MAGI1: variants seen among roughly 807,000 people sequenced by gnomAD.
MAGI1 encodes membrane associated guanylate kinase, WW and PDZ domain containing 1.
In MAGI1, 58 loss-of-function variants were observed where a neutral mutation model predicts 139.9. That is an observed-to-expected ratio of 0.41 (90% CI 0.34 to 0.52). The LOEUF (loss-of-function observed/expected upper bound fraction) is 0.52, where lower values mean the gene tolerates loss of function less well. Ranked by LOEUF, MAGI1 falls within the 20% of genes least tolerant of loss-of-function variation. The pLI is 0.12. For synonymous variants in MAGI1, 812 were observed against 737.9 expected (o/e 1.10, Z -1.63); for missense variants, 1,874 against 1,901.6 (o/e 0.99, Z 0.27).
intron 1 of MAGI1, among the ~76,000 whole-genome samples, chr3:65,987,393 AT>A (rs1015881514): frequency 3.9e-4 from 59 of 152,324 alleles, no homozygotes; most frequent in African/African-American, 1.3e-3. Context: ...CATAACAGAC[AT>A]TTGTAAGTCA....
intron 1 of MAGI1, among the ~76,000 whole-genome samples, chr3:65,946,788 C>T (rs2063564303): frequency 6.6e-6 from 1 of 152,146 alleles, no homozygotes; most frequent in Non-Finnish European, 1.5e-5. Context: ...AAACAGATCA[C>T]TTAAGAATGT....
At chr3:65,847,920 G>A (rs535715785) in intron 1 of MAGI1, among the ~76,000 whole-genome samples, 38 of 152,212 alleles carry the variant, frequency 2.5e-4, no homozygotes, top group African/African-American at 8.9e-4. Context: ...CTGTAGTCCC[G>A]GCAACTTGAG....
chr3:65,864,391 G>A (rs1020485125), intron 1 of MAGI1, among the ~76,000 whole-genome samples: 2 of 152,154 alleles, frequency 1.3e-5, no homozygotes, highest in Non-Finnish European at 2.9e-5. Flanking sequence ...CCTACTAAGT[G>A]ATGGATGAAA....
At chr3:65,957,520 C>CAAAAAA (rs761240940) in intron 1 of MAGI1, among the ~76,000 whole-genome samples, 19 of 30,848 alleles carry the variant, frequency 6.2e-4, no homozygotes, top group Non-Finnish European at 9.8e-4. Flanking sequence ...GACTTCATCT[C>CAAAAAA]AAAAAAAAAA....
intron 1 of MAGI1, among the ~76,000 whole-genome samples, chr3:65,867,261 C>T (rs2059761498): frequency 6.6e-6 from 1 of 152,234 alleles, no homozygotes; most frequent in Non-Finnish European, 1.5e-5. Flanking sequence ...GCTGCTACTA[C>T]CTGAGGGCCA....
intron 1 of MAGI1, chr3:65,893,957 A>G (rs1046122788): frequency 6.6e-6 from 1 of 152,182 alleles, no homozygotes; most frequent in Non-Finnish European, 1.5e-5. Flanking sequence ...ATGTGGCCTC[A>G]CCATTTGGCT....
chr3:65,535,723 G>GA (rs1278672460), intron 2 of MAGI1, among the ~76,000 whole-genome samples: 2 of 152,000 alleles, frequency 1.3e-5, no homozygotes, highest in African/African-American at 4.8e-5. Flanking sequence ...TGATTCAAAG[G>GA]AAAAAATGTA....
At chr3:65,440,082 A>G in intron 8 of MAGI1, 70 bp from the exon 9 acceptor site, 1 of 1,557,106 alleles carries the variant, frequency 6.4e-7, no homozygotes, top group Non-Finnish European at 8.8e-7. Flanking sequence ...AATCAGACCA[A>G]GTCCCTGGAA....
chr3:65,768,883 A>G (rs557914991), intron 1 of MAGI1, among the ~76,000 whole-genome samples: 4 of 152,306 alleles, frequency 2.6e-5, no homozygotes, highest in Non-Finnish European at 5.9e-5. Flanking sequence ...AGAGAATAAT[A>G]TTTTCCCCTT....
At chr3:65,971,897 G>A (rs2065029070) in intron 1 of MAGI1, among the ~76,000 whole-genome samples, 1 of 152,202 alleles carries the variant, frequency 6.6e-6, no homozygotes, top group South Asian at 2.1e-4. Flanking sequence ...GAGCTCAATG[G>A]AGTTTCCTCT....
chr3:65,710,269 CTTTTTTT>C (rs1175790063), intron 1 of MAGI1, among the ~76,000 whole-genome samples: 12 of 66,906 alleles, frequency 1.8e-4, no homozygotes, highest in East Asian at 1.7e-3. Flanking sequence ...CCTTACATTT[CTTTTTTT>C]TTTTTTTTTT....
At chr3:65,696,911 CA>C (rs11291151) in intron 1 of MAGI1, among the ~76,000 whole-genome samples, 70,555 of 151,658 alleles carry the variant, frequency 0.47, 17,994 homozygotes, top group African/African-American at 0.69. Flanking sequence ...AAAAACCCTT[CA>C]AAAAAAGGTA....
At chr3:65,791,852 C>T (rs2039796534) in intron 1 of MAGI1, among the ~76,000 whole-genome samples, 1 of 151,994 alleles carries the variant, frequency 6.6e-6, no homozygotes, top group Non-Finnish European at 1.5e-5. Context: ...TTCAAAAGGA[C>T]AGTCTGAGCT....
chr3:65,904,157 T>A (rs2061345626), intron 1 of MAGI1, among the ~76,000 whole-genome samples: 1 of 152,226 alleles, frequency 6.6e-6, no homozygotes, highest in South Asian at 2.1e-4. Flanking sequence ...ACTTTCCAAC[T>A]AATTCCAGAC....
intron 1 of MAGI1, among the ~76,000 whole-genome samples, chr3:65,786,705 G>A (rs1024531042): frequency 8.7e-5 from 13 of 149,488 alleles, no homozygotes; most frequent in Admixed American, 3.4e-4. Flanking sequence ...TCTGCCTCCC[G>A]GGTTCACGCC....
At chr3:65,860,817 G>A (rs1308139262) in intron 1 of MAGI1, among the ~76,000 whole-genome samples, 2 of 152,056 alleles carry the variant, frequency 1.3e-5, no homozygotes, top group African/African-American at 2.4e-5. Flanking sequence ...GGTCCAACAC[G>A]ACAAATACAT....
At chr3:65,470,515 G>C (rs769396315) in intron 4 of MAGI1, 31 bp from the exon 5 acceptor site, 18 of 1,368,868 alleles carry the variant, frequency 1.3e-5, no homozygotes, top group Middle Eastern at 1.8e-4. Context: ...GTGAGAGAGA[G>C]AGAGAGAGAA....
chr3:65,508,925 A>T (rs1455679264), intron 2 of MAGI1, among the ~76,000 whole-genome samples: 1 of 152,224 alleles, frequency 6.6e-6, no homozygotes, highest in East Asian at 1.9e-4. Context: ...GGGCAGAGGC[A>T]ATCTTTATTT....
At chr3:65,787,639 T>C (rs1353779587) in intron 1 of MAGI1, among the ~76,000 whole-genome samples, 1 of 150,914 alleles carries the variant, frequency 6.6e-6, no homozygotes, top group Non-Finnish European at 1.5e-5. Context: ...GTAGGCCAGA[T>C]GGACAAATAA....
Sources: allele counts gnomAD v4.1 joint callset (sites outside exome capture counted in the v4.1 genomes callset), GRCh38; gene constraint gnomAD v4.1.1; transcripts MANE v1.5; gene names NCBI Gene and HGNC (gene_info 2026-07-23, HGNC 2026-07-21).